The following NSD2 variants were observed in gnomAD, a reference collection of about 807,000 sequenced individuals.
NSD2 encodes histone-lysine N-methyltransferase NSD2.
NSD2 carries 12 observed loss-of-function variants against 139.0 expected under a neutral mutation model. The ratio of observed to expected loss-of-function variants is 0.09; its 90% confidence interval spans 0.06 to 0.14. NSD2 has a LOEUF of 0.14. Ranked by LOEUF, NSD2 falls within the 10% of genes least tolerant of loss-of-function variation. The probability of loss-of-function intolerance (pLI) is 1.00; values close to 1 mark genes in which losing one functional copy is unlikely to be tolerated. For missense variants in NSD2, 1,155 were observed against 1,745.0 expected, an observed-to-expected ratio of 0.66 and a Z score of 6.02; for synonymous variants, 669 against 648.7, an observed-to-expected ratio of 1.03 and a Z score of -0.48.
rs1717667724 is a variant in NSD2, at chr4:1,904,825, T to C, written c.760+447T>C. 2.0e-5 allele frequency among the ~76,000 whole-genome samples: 3 copies of C among 152,134 alleles called. No homozygotes were observed. The South Asian group carries it at 6.2e-4, about 31-fold the overall frequency. Reference sequence around the variant, plus strand: ...TAAATTGATTTTTACATGGAGCGGCTGATGTAACATATTAAGAATGTACGG... The same window carrying C: ...TAAATTGATTTTTACATGGAGCGGCCGATGTAACATATTAAGAATGTACGG... On this transcript the variant is annotated intron_variant, in intron 3 of 21. Coordinates refer to ENST00000508803, the MANE Select transcript of NSD2 (RefSeq NM_001042424.3).
chr4:1,935,341 A>T, intron 7 of NSD2, 79 bp downstream of exon 7: 1 of 1,086,228 alleles, frequency 9.2e-7, no homozygotes, highest in Non-Finnish European at 1.4e-6. Context: ...CCTGCATGGG[A>T]GCACACATGA....
At chr4:1,902,510 T>C (rs1400296568) in intron 2 of NSD2, among the ~76,000 whole-genome samples, 1 of 152,102 alleles carries the variant, frequency 6.6e-6, no homozygotes, top group Non-Finnish European at 1.5e-5. Context: ...AGGTATGAGC[T>C]ACCATGCCCA....
Position 1,982,004 on chromosome 4 carries a change from A to G in NSD2, c.*3095A>G, listed in dbSNP as rs148896652. 660 of 398,518 alleles carry G rather than the reference A, an allele frequency of 1.7e-3. 3 individuals carry two copies. Among genetic ancestry groups the G allele is most frequent in the Admixed American group, 3.0e-3 (68 of 22,730 alleles). The allele number at this position is 398,518 out of a possible 1,614,324, so 24.7% of individuals were successfully genotyped here. On this transcript the variant is annotated 3_prime_UTR_variant, in exon 22 of 22. Coordinates refer to ENST00000508803, the MANE Select transcript of NSD2 (RefSeq NM_001042424.3). ...TACAATGTAAGGTCAGATTCCTTTTAGGAATACTGGGTGCTGTCACCAGGT... is the reference window on the plus strand; with the variant it reads ...TACAATGTAAGGTCAGATTCCTTTTGGGAATACTGGGTGCTGTCACCAGGT...
intron 1 of NSD2, among the ~76,000 whole-genome samples, chr4:1,883,596 A>C (rs1424964904): frequency 6.8e-6 from 1 of 147,756 alleles, no homozygotes; most frequent in African/African-American, 2.5e-5. Flanking sequence ...ACACCACTGC[A>C]CTCCAACCTG....
rs114486567 is a variant in NSD2 at position 1,919,236 on chromosome 4, C to T, written c.1410+613C>T. ...TCAACAGGCTGCGCTTTGCTTGAAG[C>T]GTGTGGTCATGTCCTTAACGTGTGA... On this transcript the variant is annotated intron_variant, in intron 5 of 21. Transcript: ENST00000508803. 7.3e-3 allele frequency: 1,100 copies of T among 151,332 alleles called. 9 individuals are homozygous for T. The highest frequency in any genetic ancestry group is 9.9e-3 in the Non-Finnish European group (673 of 68,056). The allele number at this position is 151,332 out of a possible 1,614,324, so 9.4% of individuals were successfully genotyped here. A position where few individuals can be genotyped will look rare whatever the true frequency, so the allele number is the denominator to read the frequency against.
intron 1 of NSD2, among the ~76,000 whole-genome samples, chr4:1,888,985 C>T (rs1415204605): frequency 3.3e-5 from 5 of 151,544 alleles, no homozygotes; most frequent in African/African-American, 1.2e-4. Flanking sequence ...TGAACCTCCA[C>T]CTCCCGGGTT....
rs1723243870 is a variant in NSD2, at chr4:1,942,883, C to A, written c.1881+3105C>A. On this transcript the variant is annotated intron_variant, in intron 9 of 21. Coordinates refer to ENST00000508803, the MANE Select transcript of NSD2 (RefSeq NM_001042424.3). This position sits in a 1 kb window ranked among gnomAD's most constrained non-coding sequence, Gnocchi z 4.0. ...GATATATTCAGTATTGTAGATACTACACTAATTTCCAACATAAGAGGCAGG... is the reference window on the plus strand; with the variant it reads ...GATATATTCAGTATTGTAGATACTAAACTAATTTCCAACATAAGAGGCAGG... The A allele has an allele frequency of 6.6e-6, 7 of 1,059,996 alleles. No homozygotes were observed. The highest frequency in any genetic ancestry group is 8.0e-6 in the Non-Finnish European group (7 of 876,136). The allele number at this position is 1,059,996 out of a possible 1,614,324, so 65.7% of individuals were successfully genotyped here.
At chr4:1,975,648 T>G (rs1026917699) in intron 20 of NSD2, 4 of 491,980 alleles carry the variant, frequency 8.1e-6, no homozygotes, top group Admixed American at 3.4e-5. Context: ...TTCGCAGTTC[T>G]GGGTGTGGGC....
At chr4:1,966,395 G>T (rs917608063) in intron 18 of NSD2, among the ~76,000 whole-genome samples, 1 of 151,906 alleles carries the variant, frequency 6.6e-6, no homozygotes, top group Non-Finnish European at 1.5e-5. Context: ...GGTGGCTCAC[G>T]CCTGTAATTC....
chr4:1,887,047 C>G (rs1313344237), intron 1 of NSD2, among the ~76,000 whole-genome samples: 1 of 152,106 alleles, frequency 6.6e-6, no homozygotes, highest in Non-Finnish European at 1.5e-5. Context: ...AAAACAACAA[C>G]CTGTATTTGT....
At position 1,878,249 on chromosome 4, in the gene NSD2, ATATTTTTTTTTTTTTTTTTTTT is replaced by A. The variant is rs1714434875; in HGVS notation, c.-30+6709_-30+6730del. 1.1e-4 allele frequency among the ~76,000 whole-genome samples: 4 copies of A among 34,930 alleles called. No individual in the cohort carries two copies. The East Asian group carries it at 3.9e-3, about 34-fold the overall frequency. The allele number at this position is 34,930 out of a possible 152,430, so 22.9% of individuals were successfully genotyped here. A position where few individuals can be genotyped will look rare whatever the true frequency, so the allele number is the denominator to read the frequency against. On this transcript the variant is annotated intron_variant, in intron 1 of 21. Transcript: ENST00000508803. ...CTGATATATATATATATATATATAT[ATATTTTTTTTTTTTTTTTTTTT>A]TTTTTTTTTTTTTGTATTTTTAGTA...
chr4:1,951,084 C>A lies in NSD2; in HGVS notation c.1894C>A (p.Pro632Thr). The A allele has an allele frequency of 6.2e-7, 1 of 1,614,168 alleles. No homozygotes were observed. The highest frequency in any genetic ancestry group is 8.5e-7 in the Non-Finnish European group (1 of 1,180,018). ...SLTENEVSDSPGDEPSESPYE... is the reference protein window; with the variant it reads ...SLTENEVSDSTGDEPSESPYE... ...CCTTCATCTCTAGGTCTCGGACAGC[C>A]CGGGAGACGAGCCCTCGGAGTCCCC... The change falls in exon 10 of 22, where the codon CCG becomes ACG. Residue 632 changes from proline (P) to threonine (T), a missense_variant. Physicochemically the swap from Pro to Thr is conservative, Grantham distance 38 (BLOSUM62 -1). Transcript: ENST00000508803.
intron 1 of NSD2, among the ~76,000 whole-genome samples, chr4:1,887,914 T>G (rs868696802): frequency 0.013 from 1,974 of 152,244 alleles, 45 homozygotes; most frequent in Middle Eastern, 0.061. Flanking sequence ...TTTTTTTCTT[T>G]TTTTTTTCTT....
chr4:1,897,144 T>A (rs1393569567), intron 1 of NSD2, among the ~76,000 whole-genome samples: 20 of 149,504 alleles, frequency 1.3e-4, no homozygotes, highest in Non-Finnish European at 1.5e-5. Flanking sequence ...CACTCCAGCC[T>A]GGGTGACAGA....
chr4:1,943,638 A>G (rs920087372), intron 9 of NSD2: 2 of 1,047,994 alleles, frequency 1.9e-6, no homozygotes, highest in Non-Finnish European at 2.3e-6. Context: ...ATGTTGCAGG[A>G]TACATAGCCC....
Position 1,901,269 on chromosome 4 carries a change from T to G in NSD2, c.597+18T>G. ...ATAAAAAGGTATTTAGGAGACGTTG[T>G]GTAAGGGGTCATGTGACCTTGAGCA... On this transcript the variant is annotated intron_variant, in intron 2 of 21. Transcript: ENST00000508803. The G allele has an allele frequency of 6.5e-7, 1 of 1,542,960 alleles. No individual in the cohort carries two copies. Among genetic ancestry groups the G allele is most frequent in the Non-Finnish European group, 8.7e-7 (1 of 1,150,712 alleles).
At chr4:1,968,284 A>G (rs1726089592) in intron 18 of NSD2, among the ~76,000 whole-genome samples, 1 of 152,246 alleles carries the variant, frequency 6.6e-6, no homozygotes, top group Non-Finnish European at 1.5e-5. Flanking sequence ...TATGTCTTAA[A>G]TAAGTCAGGT....
At chr4:1,933,311 T>C (rs895745518) in intron 6 of NSD2, among the ~76,000 whole-genome samples, 3 of 152,230 alleles carry the variant, frequency 2.0e-5, no homozygotes, top group African/African-American at 7.2e-5. Flanking sequence ...GAGCACTCTT[T>C]TGCTGGTGTC....
intron 2 of NSD2, among the ~76,000 whole-genome samples, chr4:1,903,107 A>G (rs1452715398): frequency 6.6e-6 from 1 of 152,208 alleles, no homozygotes; most frequent in African/African-American, 2.4e-5. Context: ...AAAATGTGTC[A>G]TGTGGCAGCT....
Sources: allele counts gnomAD v4.1 joint callset (sites outside exome capture counted in the v4.1 genomes callset), GRCh38; gene constraint gnomAD v4.1.1; non-coding constraint Gnocchi (gnomAD v3.1); transcripts MANE v1.5; gene names NCBI Gene and HGNC (gene_info 2026-07-23, HGNC 2026-07-21).